CCDC60: variants seen among roughly 807,000 people sequenced by gnomAD.
CCDC60 encodes the protein coiled-coil domain-containing protein 60.
Under a neutral mutation model 63.5 loss-of-function variants are expected in CCDC60, and 54 were observed. The ratio of observed to expected loss-of-function variants is 0.85; its 90% confidence interval spans 0.68 to 1.07. The LOEUF is 1.07. CCDC60 is among the 50% of genes least tolerant of loss of function. CCDC60 has a pLI of 0.00. For missense variants in CCDC60, 651 were observed against 684.3 expected (o/e 0.95, Z 0.54); for synonymous variants, 206 against 238.8 (o/e 0.86, Z 1.27).
intron 6 of CCDC60, among the ~76,000 whole-genome samples, chr12:119,502,317 C>T (rs1951874206): frequency 1.3e-5 from 2 of 152,152 alleles, no homozygotes; most frequent in South Asian, 4.1e-4. Context: ...AACATGTCTC[C>T]CCATGGGCCA....
At chr12:119,471,882 A>G (rs1951066676) in intron 2 of CCDC60, 112 bp from the exon 3 acceptor site, 1 of 806,716 alleles carries the variant, frequency 1.2e-6, no homozygotes, top group East Asian at 2.5e-5. Context: ...ATCCCTCTTT[A>G]TCTCTCTTTT....
At chr12:119,405,129 C>G (rs937801102) in intron 1 of CCDC60, among the ~76,000 whole-genome samples, 2 of 152,208 alleles carry the variant, frequency 1.3e-5, no homozygotes, top group African/African-American at 4.8e-5. Context: ...AGGCTGCAAA[C>G]TGCAGCCTTC....
At chr12:119,394,831 T>G (rs1369036095) in intron 1 of CCDC60, among the ~76,000 whole-genome samples, 4 of 152,170 alleles carry the variant, frequency 2.6e-5, no homozygotes, top group African/African-American at 9.7e-5. Flanking sequence ...CCTACCTGAA[T>G]AGGGGCAGAT....
chr12:119,488,966 G>A lies in CCDC60; in HGVS notation c.557+100G>A. The A allele has an allele frequency of 8.2e-6, 8 of 981,326 alleles. No individual in the cohort carries two copies. In the Admixed American group the frequency reaches 1.4e-4, roughly 18 times the overall value. 60.8% of individuals were successfully genotyped at this position (981,326 alleles called of 1,614,324 possible). On this transcript the variant is annotated intron_variant, in intron 5 of 13. Coordinates refer to ENST00000327554, the MANE Select transcript of CCDC60 (RefSeq NM_178499.5). ...TCCACTCCCTTTGCTGTTTTTGGTA[G>A]GTGGGCTGTTTCAGTTCCTCTTCTA...
Position 119,428,737 on chromosome 12 carries a change from C to T in CCDC60, c.145C>T (p.Leu49Phe), listed in dbSNP as rs137911843. ...IKYMDKEIIN[L>F]KKDLIRSRFL... ...GTATATGGACAAGGAAATAATAAACCTCAAAAAGGACCTTATACGAAGCCG... is the reference window on the plus strand; with the variant it reads ...GTATATGGACAAGGAAATAATAAACTTCAAAAAGGACCTTATACGAAGCCG... The change falls in exon 2 of 14, where the codon CTC (leucine) becomes TTC (phenylalanine). Residue 49 changes from leucine (L) to phenylalanine (F), a missense_variant. Transcript: ENST00000327554. The T allele has an allele frequency of 3.1e-6, 5 of 1,605,184 alleles. No individual in the cohort carries two copies. The African/African-American group carries it at 5.3e-5, about 17-fold the overall frequency.
chr12:119,400,130 ACCTCCG>A lies in CCDC60; in HGVS notation c.91-28546_91-28541del, dbSNP rs1956364379. 2.7e-5 allele frequency among the ~76,000 whole-genome samples: 4 copies of A among 149,842 alleles called. No homozygotes were observed. The East Asian group carries it at 7.9e-4, about 29-fold the overall frequency. ...AGTGGCGCGATCTCAGCTCACTGCA[ACCTCCG>A]CCTCCGGGGTTCACACCATTCTCCT... On this transcript the variant is annotated intron_variant, in intron 1 of 13. Transcript: ENST00000327554.
intron 1 of CCDC60, among the ~76,000 whole-genome samples, chr12:119,382,609 G>GGAAT (rs140115377): frequency 0.22 from 32,961 of 151,632 alleles, 4,304 homozygotes; most frequent in Middle Eastern, 0.32. Context: ...CAGAACAGTG[G>GGAAT]GAATGAATGA....
chr12:119,424,069 A>G (rs533149065), intron 1 of CCDC60, among the ~76,000 whole-genome samples: 16 of 152,358 alleles, frequency 1.1e-4, no homozygotes, highest in Admixed American at 5.2e-4. Flanking sequence ...TTAATTGCCT[A>G]TAATTCAAAT....
chr12:119,376,769 T>A (rs1339871565), intron 1 of CCDC60, among the ~76,000 whole-genome samples: 1 of 152,156 alleles, frequency 6.6e-6, no homozygotes, highest in East Asian at 1.9e-4. Context: ...CCCTATATAT[T>A]TCCAACAGAG....
intron 12 of CCDC60, among the ~76,000 whole-genome samples, chr12:119,529,304 A>G (rs1283947693): frequency 6.6e-6 from 1 of 152,138 alleles, no homozygotes; most frequent in East Asian, 1.9e-4. Flanking sequence ...AATAATCCTG[A>G]AAGATACATA....
At chr12:119,389,417 T>C (rs1027641341) in intron 1 of CCDC60, among the ~76,000 whole-genome samples, 1 of 152,140 alleles carries the variant, frequency 6.6e-6, no homozygotes, top group African/African-American at 2.4e-5. Context: ...AAAAGCCTAG[T>C]ATTTATGGTG....
chr12:119,466,418 C>T (rs2727741), intron 2 of CCDC60, among the ~76,000 whole-genome samples: 77,234 of 151,994 alleles, frequency 0.51, 20,339 homozygotes, highest in East Asian at 0.85. Flanking sequence ...TTTCATTGAA[C>T]GGTTGATAAT....
At chr12:119,381,108 G>A (rs1325439466) in intron 1 of CCDC60, among the ~76,000 whole-genome samples, 2 of 152,140 alleles carry the variant, frequency 1.3e-5, no homozygotes, top group Non-Finnish European at 2.9e-5. Context: ...GTCACCACTC[G>A]GTAAGGCACT....
intron 1 of CCDC60, among the ~76,000 whole-genome samples, chr12:119,365,319 T>TA (rs1188093558): frequency 2.0e-5 from 3 of 151,954 alleles, no homozygotes; most frequent in South Asian, 2.1e-4. Context: ...TAATGAACAC[T>TA]AAAAAAAAGT....
intron 1 of CCDC60, among the ~76,000 whole-genome samples, chr12:119,341,559 T>A (rs1210494452): frequency 6.6e-6 from 1 of 152,200 alleles, no homozygotes; most frequent in Non-Finnish European, 1.5e-5. Context: ...AATAAAATAA[T>A]GCATGTGAAA....
intron 1 of CCDC60, among the ~76,000 whole-genome samples, chr12:119,360,300 CCCA>C (rs1955766577): frequency 6.7e-6 from 1 of 148,902 alleles, no homozygotes; most frequent in African/African-American, 2.5e-5. Flanking sequence ...GGCTGACCCC[CCCA>C]CCTCCCTCCC....
chr12:119,475,605 G>C (rs578033905), intron 3 of CCDC60, among the ~76,000 whole-genome samples: 20 of 152,264 alleles, frequency 1.3e-4, no homozygotes, highest in African/African-American at 4.8e-4. Context: ...ACAGCATTAG[G>C]AGATTGTCTA....
intron 1 of CCDC60, among the ~76,000 whole-genome samples, chr12:119,336,875 A>G (rs1275222372): frequency 6.6e-6 from 1 of 152,236 alleles, no homozygotes; most frequent in African/African-American, 2.4e-5. Flanking sequence ...TTAAATGATC[A>G]TAACTGGACG....
chr12:119,440,176 T>G (rs2136257167), intron 2 of CCDC60, among the ~76,000 whole-genome samples: 1 of 152,250 alleles, frequency 6.6e-6, no homozygotes, highest in East Asian at 1.9e-4. Flanking sequence ...CATGTATACC[T>G]ATGTAACAAA....
Sources: allele counts gnomAD v4.1 joint callset (sites outside exome capture counted in the v4.1 genomes callset), GRCh38; gene constraint gnomAD v4.1.1; transcripts MANE v1.5; gene names NCBI Gene and HGNC (gene_info 2026-07-23, HGNC 2026-07-21).